The following PPP6R2 variants were observed in gnomAD, a reference collection of about 807,000 sequenced individuals.
The protein encoded by PPP6R2 is protein phosphatase 6 regulatory subunit 2, also known as serine/threonine-protein phosphatase 6 regulatory subunit 2.
In PPP6R2, 62 loss-of-function variants were observed where a neutral mutation model predicts 100.2. The ratio of observed to expected loss-of-function variants is 0.62; its 90% CI spans 0.50 to 0.76. The LOEUF is 0.76. Ranked by LOEUF, PPP6R2 falls within the 30% of genes least tolerant of loss-of-function variation. The pLI, the probability that PPP6R2 is intolerant of heterozygous loss-of-function variation, is 0.00. For missense variants in PPP6R2, 1,142 were observed against 1,276.3 expected (o/e 0.89, Z 1.60); for synonymous variants, 525 against 514.7 (o/e 1.02, Z -0.27).
chr22:50,440,031 C>G lies in PPP6R2; in HGVS notation c.2356C>G (p.Gln786Glu), dbSNP rs2065225011. The change falls in exon 21 of 24, where the codon CAA becomes GAA. Residue 786 changes from glutamine to glutamate, a missense_variant. By Grantham distance (29) the Gln-to-Glu change is conservative. Transcript: ENST00000612753. ...CAGCCATGCTGAGGGCAGCCGGAGC[C>G]AAGGCCCTGAGAAAGCCTGTGAGTA... is the stretch of plus-strand genomic sequence containing the variant. Reference protein sequence around the residue: ...ECSHAEGSRSQGPEKAFSPAS... With the variant: ...ECSHAEGSRSEGPEKAFSPAS... The G allele has an allele frequency of 6.2e-7, 1 of 1,613,204 alleles. No individual in the cohort carries two copies. The highest frequency in any genetic ancestry group is 8.5e-7 in the Non-Finnish European group (1 of 1,179,802).
intron 4 of PPP6R2, among the ~76,000 whole-genome samples, chr22:50,409,353 A>G (rs979494701): frequency 3.3e-5 from 5 of 152,102 alleles, no homozygotes; most frequent in African/African-American, 4.8e-5. Context: ...ATGGCTAATC[A>G]CATTTCTTCT....
chr22:50,350,267 G>A (rs117427058), intron 1 of PPP6R2, among the ~76,000 whole-genome samples: 2,513 of 151,890 alleles, frequency 0.017, 24 homozygotes, highest in Non-Finnish European at 0.024. Flanking sequence ...TTTCCCTCTT[G>A]TTGCCCTGGC....
chr22:50,443,884 C>A lies in PPP6R2; in HGVS notation c.2598C>A (p.Ser866Arg). 10 of 1,583,368 alleles carry A rather than the reference C, an allele frequency of 6.3e-6. No individual in the cohort carries two copies. Among genetic ancestry groups the A allele is most frequent in the Non-Finnish European group, 6.9e-6 (8 of 1,164,682 alleles). ...CACACAGGGTCGGGTGTGCTGACAG[C>A]CGGCTGTTAAGCCCTGCCTGCCCCG... is the stretch of plus-strand genomic sequence containing the variant. The part of the protein sequence containing the change: ...EAVGRVGCAD[S>R]RLLSPACPAP... Residue 866 changes from serine (S) to arginine (R), a missense_variant, in exon 23 of 24, where the codon AGC becomes AGA. Coordinates refer to ENST00000612753, the MANE Select transcript of PPP6R2 (RefSeq NM_001242898.2).
rs767359380 is a variant in PPP6R2 at position 50,438,652 on chromosome 22, G to C, written c.2018G>C (p.Gly673Ala). Residue 673 changes from glycine (G) to alanine (A), a missense_variant, in exon 19 of 24, where the codon GGA becomes GCA. This residue lies in a region of PPP6R2 where 550 missense variants were observed against 517.4 expected (regional missense o/e 1.06). Coordinates refer to ENST00000612753, the MANE Select transcript of PPP6R2 (RefSeq NM_001242898.2). ...TGCTCAAAGAATGGCCCAGAGCGTG[G>C]AGGCCAGGATGGGAAGGCGAGCTTG... ...ESCSKNGPER[G>A]GQDGKASLEA... 2 of 1,614,106 alleles carry C rather than the reference G, an allele frequency of 1.2e-6. No homozygotes were observed. The highest frequency in any genetic ancestry group is 1.7e-6 in the Non-Finnish European group (2 of 1,180,006).
upstream of PPP6R2, among the ~76,000 whole-genome samples, chr22:50,340,113 TGTGTGTACAGTGTGTG>T (rs1256021453): frequency 7.6e-5 from 10 of 132,400 alleles, no homozygotes; most frequent in Non-Finnish European, 1.4e-4. Flanking sequence ...TGGTATGTGG[TGTGTGTACAGTGTGTG>T]GTGTGTACAG....
At chr22:50,340,345 G>T (rs1371579981), upstream of PPP6R2, among the ~76,000 whole-genome samples, 1 of 139,010 alleles carries the variant, frequency 7.2e-6, no homozygotes, top group Non-Finnish European at 1.5e-5. Context: ...TGTGTATGTG[G>T]TGTGTGTGTG....
At chr22:50,397,580 G>A in intron 3 of PPP6R2, among the ~76,000 whole-genome samples, 1 of 139,368 alleles carries the variant, frequency 7.2e-6, no homozygotes, top group African/African-American at 2.9e-5. Flanking sequence ...TGTCATCTCT[G>A]AGTTTTTCTC....
At chr22:50,396,363 CATGT>C (rs2056863622) in intron 3 of PPP6R2, among the ~76,000 whole-genome samples, 1 of 151,716 alleles carries the variant, frequency 6.6e-6, no homozygotes, top group African/African-American at 2.4e-5. Context: ...GGTGTGGTGG[CATGT>C]GCCTATAATC....
intron 3 of PPP6R2, among the ~76,000 whole-genome samples, chr22:50,405,789 A>G (rs1603261085): frequency 2.8e-5 from 2 of 71,422 alleles, no homozygotes; most frequent in South Asian, 5.5e-4. Context: ...AGGCCTGGAG[A>G]GAGGTGAGAG....
intron 1 of PPP6R2, among the ~76,000 whole-genome samples, chr22:50,369,596 C>T (rs574788966): frequency 6.6e-6 from 1 of 152,218 alleles, no homozygotes; most frequent in Non-Finnish European, 1.5e-5. Flanking sequence ...TCACTGCAAC[C>T]TCTGCCTCCA....
intron 1 of PPP6R2, among the ~76,000 whole-genome samples, chr22:50,350,660 A>C (rs2044865017): frequency 6.6e-6 from 1 of 151,830 alleles, no homozygotes; most frequent in Non-Finnish European, 1.5e-5. Flanking sequence ...CCTGGCTAAC[A>C]CGGTGAAACC....
chr22:50,356,673 C>T (rs1474139950), intron 1 of PPP6R2, among the ~76,000 whole-genome samples: 1 of 152,046 alleles, frequency 6.6e-6, no homozygotes, highest in East Asian at 1.9e-4. Flanking sequence ...TGGCTCACGC[C>T]TGTAATATGC....
chr22:50,363,086 A>G (rs1426313139), intron 1 of PPP6R2, among the ~76,000 whole-genome samples: 1 of 152,164 alleles, frequency 6.6e-6, no homozygotes, highest in East Asian at 1.9e-4. Flanking sequence ...AAACATGAAG[A>G]TGTGGGGATT....
the PPP6R2 span, among the ~76,000 whole-genome samples, chr22:50,332,333 C>G: frequency 1.3e-5 from 2 of 151,878 alleles, no homozygotes; most frequent in East Asian, 3.9e-4. Flanking sequence ...GTTCACCCCC[C>G]CATTCTTCTG....
chr22:50,380,022 G>T (rs1158540364), intron 2 of PPP6R2, among the ~76,000 whole-genome samples: 3 of 152,160 alleles, frequency 2.0e-5, no homozygotes, highest in African/African-American at 7.2e-5. Context: ...TAGTAGCTGT[G>T]TCTTAGTCCA....
chr22:50,363,920 T>A (rs1285412283), intron 1 of PPP6R2, among the ~76,000 whole-genome samples: 1 of 139,432 alleles, frequency 7.2e-6, no homozygotes, highest in Non-Finnish European at 1.6e-5. Flanking sequence ...TGAGACGGAG[T>A]TTTTGCTCTT....
At chr22:50,378,671 G>C (rs1370962897) in intron 2 of PPP6R2, among the ~76,000 whole-genome samples, 3 of 151,672 alleles carry the variant, frequency 2.0e-5, no homozygotes, top group African/African-American at 7.3e-5. Context: ...AGTTTTAAGA[G>C]GTGGGGCTTA....
At chr22:50,340,212 GGTATGTGGTGTGTA>G (rs2147834047), upstream of PPP6R2, among the ~76,000 whole-genome samples, 1 of 137,242 alleles carries the variant, frequency 7.3e-6, no homozygotes, top group South Asian at 2.7e-4. Flanking sequence ...TGGAGTGTGT[GGTATGTGGTGTGTA>G]TGGTATGTGG....
chr22:50,444,656 G>A lies in PPP6R2; in HGVS notation c.*409G>A, dbSNP rs2066650847. The A allele has an allele frequency of 4.6e-6, 1 of 219,680 alleles. No individual in the cohort carries two copies. The highest frequency in any genetic ancestry group is 2.4e-5 in the African/African-American group (1 of 42,260). The allele number at this position is 219,680 out of a possible 1,614,324, so 13.6% of individuals were successfully genotyped here. On this transcript the variant is annotated 3_prime_UTR_variant, in exon 24 of 24. Transcript: ENST00000612753. ...TGTTGTTTTGTTTTTAAAGAATACAGAAGGAGCCAAGCTTTTTTGCACTTT... is the reference window on the plus strand; with the variant it reads ...TGTTGTTTTGTTTTTAAAGAATACAAAAGGAGCCAAGCTTTTTTGCACTTT...
Sources: gnomAD v4.1 joint callset for allele counts (sites outside exome capture counted in the v4.1 genomes callset) on GRCh38, gnomAD v4.1.1 for gene constraint, gnomAD v4.1.1 regional missense constraint, MANE v1.5 for transcripts, NCBI Gene and HGNC (gene_info 2026-07-23, HGNC 2026-07-21) for gene names.